The following GNG2 variants were observed in gnomAD, a reference collection of about 807,000 sequenced individuals.
The protein encoded by GNG2 is guanine nucleotide-binding protein G(I)/G(S)/G(O) subunit gamma-2.
In GNG2, 5 loss-of-function variants were observed where a neutral mutation model predicts 5.5. The observed-to-expected ratio is 0.91, with a 90% CI of 0.48 to 1.92. The LOEUF is 1.92. Ranked by LOEUF, GNG2 falls within the 30% of genes most tolerant of loss-of-function variation. The pLI is 0.01. For synonymous variants in GNG2, 28 were observed against 32.0 expected (o/e 0.88, Z 0.42); for missense variants, 55 against 88.4 (o/e 0.62, Z 1.52).
At chr14:51,847,681 C>T (rs1217136796) in intron 2 of GNG2, among the ~76,000 whole-genome samples, 2 of 152,030 alleles carry the variant, frequency 1.3e-5, no homozygotes, top group Non-Finnish European at 2.9e-5. Context: ...TTATCACAGA[C>T]GAGAGGGGCC....
chr14:51,898,836 C>T (rs1885368985), intron 2 of GNG2, among the ~76,000 whole-genome samples: 1 of 152,188 alleles, frequency 6.6e-6, no homozygotes, highest in Non-Finnish European at 1.5e-5. Flanking sequence ...GTCAATTCTC[C>T]CTTCAGTGCT....
intron 2 of GNG2, among the ~76,000 whole-genome samples, chr14:51,903,900 C>T (rs1470382368): frequency 6.6e-6 from 1 of 152,204 alleles, no homozygotes; most frequent in East Asian, 1.9e-4. Flanking sequence ...GGACTCCAAC[C>T]TCAGAGAATT....
At chr14:51,906,317 T>C (rs1885914001) in intron 2 of GNG2, among the ~76,000 whole-genome samples, 1 of 152,246 alleles carries the variant, frequency 6.6e-6, no homozygotes, top group Non-Finnish European at 1.5e-5. Flanking sequence ...TTATGTACCA[T>C]ACTTACTGAT....
At chr14:51,863,936 G>A (rs1379234136) in intron 1 of GNG2, among the ~76,000 whole-genome samples, 1 of 152,134 alleles carries the variant, frequency 6.6e-6, no homozygotes, top group East Asian at 1.9e-4. Context: ...GGACACTCGG[G>A]CCATGTTTTG....
At chr14:51,853,785 C>T (rs562927068) in intron 2 of GNG2, among the ~76,000 whole-genome samples, 1 of 152,268 alleles carries the variant, frequency 6.6e-6, no homozygotes, top group East Asian at 1.9e-4. Context: ...GACTATTTTT[C>T]CAAGGCTTTG....
At position 51,962,258 on chromosome 14, in the gene GNG2, G is replaced by A. The variant is rs577628174; in HGVS notation, c.88-4301G>A. Among the ~76,000 whole-genome samples, 3 of 151,962 alleles carry A rather than the reference G, an allele frequency of 2.0e-5. No individual in the cohort carries two copies. In the South Asian group the frequency reaches 6.2e-4, roughly 32 times the overall value. On this transcript the variant is annotated intron_variant, in intron 3 of 3. Coordinates refer to ENST00000556766, the MANE Select transcript of GNG2 (RefSeq NM_053064.5). ...ATATATGTGATGTAGTTATACATAG[G>A]TACTCCTTTGTTAACTGATTATGTA...
intron 1 of GNG2, among the ~76,000 whole-genome samples, chr14:51,862,607 G>A (rs1882589344): frequency 6.6e-6 from 1 of 152,264 alleles, no homozygotes; most frequent in Non-Finnish European, 1.5e-5. Context: ...TGTTTGGGGA[G>A]GCACAGACAA....
chr14:51,904,874 A>G (rs1441580361), intron 2 of GNG2, among the ~76,000 whole-genome samples: 4 of 152,220 alleles, frequency 2.6e-5, no homozygotes, highest in African/African-American at 9.6e-5. Context: ...TATATGAGAC[A>G]TCTTCAAACA....
intron 2 of GNG2, among the ~76,000 whole-genome samples, chr14:51,930,486 C>T (rs539689473): frequency 6.6e-6 from 1 of 152,344 alleles, no homozygotes; most frequent in East Asian, 1.9e-4. Flanking sequence ...ACTCGGCTTC[C>T]TGGTCATCAT....
chr14:51,880,957 CAAAAAAAAAGAAAA>C (rs1426445852), intron 2 of GNG2, among the ~76,000 whole-genome samples: 26 of 10,496 alleles, frequency 2.5e-3, no homozygotes, highest in Non-Finnish European at 5.1e-3. Flanking sequence ...CTTAAAAAGA[CAAAAAAAAAGAAAA>C]AAAAAAAAAA....
chr14:51,886,795 T>C (rs965110106), intron 2 of GNG2, among the ~76,000 whole-genome samples: 2 of 152,160 alleles, frequency 1.3e-5, no homozygotes, highest in Admixed American at 1.3e-4. Flanking sequence ...ATGCTCCTCA[T>C]TGGCCAAACC....
intron 2 of GNG2, among the ~76,000 whole-genome samples, chr14:51,890,679 A>G (rs141725488): frequency 6.6e-6 from 1 of 152,322 alleles, no homozygotes; most frequent in African/African-American, 2.4e-5. Flanking sequence ...CTCTAGAAAT[A>G]TATTTATTCA....
At chr14:51,871,473 T>A (rs1428143092) in intron 1 of GNG2, among the ~76,000 whole-genome samples, 1 of 152,190 alleles carries the variant, frequency 6.6e-6, no homozygotes, top group African/African-American at 2.4e-5. Flanking sequence ...CAGAATTACT[T>A]GGGCAAATTG....
In GNG2 at chr14:51,837,577, G is replaced by A. The variant is rs537749885; in HGVS notation, c.64+9770G>A. Reference sequence around the variant, plus strand: ...CAGCAGAATCTCTTGAACCCAGGACGCAGAGGCCGCAGTGAGCTGAGATTG... The same window carrying A: ...CAGCAGAATCTCTTGAACCCAGGACACAGAGGCCGCAGTGAGCTGAGATTG... On this transcript the variant is annotated intron_variant, in intron 2 of 3. Coordinates refer to the GNG2 transcript ENST00000553432. Among the ~76,000 whole-genome samples the A allele has an allele frequency of 1.3e-4, 20 of 151,540 alleles. No homozygotes were observed. The East Asian group carries it at 2.2e-3, about 16-fold the overall frequency.
At chr14:51,916,130 A>G (rs577034905) in intron 2 of GNG2, 2 of 201,688 alleles carry the variant, frequency 9.9e-6, no homozygotes, top group African/African-American at 4.8e-5. Context: ...AGAATTATTG[A>G]TTGAGTAAAT....
chr14:51,908,527 GATCTATCTATCTATCT>G (rs10624821), intron 2 of GNG2, among the ~76,000 whole-genome samples: 9 of 149,690 alleles, frequency 6.0e-5, no homozygotes, highest in East Asian at 2.0e-4. Flanking sequence ...ATATTTTAAA[GATCTATCTATCTATCT>G]ATCTATCTAT....
At chr14:51,921,770 C>G (rs1266449276) in intron 2 of GNG2, among the ~76,000 whole-genome samples, 1 of 152,088 alleles carries the variant, frequency 6.6e-6, no homozygotes, top group Non-Finnish European at 1.5e-5. Flanking sequence ...TCTACTTAAG[C>G]AACATGAGAC....
At chr14:51,923,665 T>G (rs1887153829) in intron 2 of GNG2, among the ~76,000 whole-genome samples, 1 of 152,202 alleles carries the variant, frequency 6.6e-6, no homozygotes, top group Admixed American at 6.5e-5. Context: ...ATCTTAGCAC[T>G]TTCTTAAATG....
At chr14:51,877,228 T>G (rs1186852368) in intron 1 of GNG2, among the ~76,000 whole-genome samples, 1 of 152,138 alleles carries the variant, frequency 6.6e-6, no homozygotes, top group Non-Finnish European at 1.5e-5. Flanking sequence ...CTCTGCTGCT[T>G]TGGTCATGCT....
Sources: allele counts gnomAD v4.1 joint callset (sites outside exome capture counted in the v4.1 genomes callset), GRCh38; gene constraint gnomAD v4.1.1; transcripts MANE v1.5; gene names NCBI Gene and HGNC (gene_info 2026-07-23, HGNC 2026-07-21).